The following KALRN variants were observed in gnomAD, a reference collection of about 807,000 sequenced individuals.
KALRN encodes the protein kalirin RhoGEF kinase, also known as kalirin.
A neutral mutation model predicts 353.7 loss-of-function variants in KALRN; 70 were observed. The ratio of observed to expected loss-of-function variants is 0.20; its 90% CI spans 0.16 to 0.24. The LOEUF (loss-of-function observed/expected upper bound fraction) is 0.24, where lower values mean the gene tolerates loss of function less well. Ranked by LOEUF, KALRN falls within the 10% of genes least tolerant of loss-of-function variation. The pLI, the probability that KALRN is intolerant of heterozygous loss-of-function variation, is 1.00. For missense variants in KALRN, 2,791 were observed against 3,756.7 expected, an observed-to-expected ratio of 0.74 and a Z score of 6.72; for synonymous variants, 1,391 against 1,434.8, an observed-to-expected ratio of 0.97 and a Z score of 0.69.
chr3:124,679,476 G>A lies in KALRN; in HGVS notation c.7336G>A (p.Glu2446Lys). 6.2e-7 allele frequency: 1 copy of A among 1,614,060 alleles called. No individual in the cohort carries two copies. The highest frequency in any genetic ancestry group is 8.5e-7 in the Non-Finnish European group (1 of 1,179,948). The change falls in exon 51 of 60, where the codon GAA becomes AAA. Residue 2446 changes from glutamate (E) to lysine (K), a missense_variant. Glu to Lys is a moderately conservative substitution (Grantham distance 56, BLOSUM62 1). This residue lies in a region of KALRN where 1,065 missense variants were observed against 1,156.4 expected (regional missense o/e 0.92). Transcript: ENST00000682506. ...VSVKETNSSE[E>K]SECDDLDPNT... ...AATCAAGGAGACGAACAGTTCCGAG[G>A]AATCAGAGTGTGATGATCTTGACCC... is the stretch of plus-strand genomic sequence containing the variant.
intron 10 of KALRN, among the ~76,000 whole-genome samples, chr3:124,357,797 G>T (rs1219663310): frequency 2.0e-5 from 3 of 152,108 alleles, no homozygotes; most frequent in African/African-American, 7.2e-5. Context: ...ACCTTCCTCA[G>T]GGCAGTAATT....
At chr3:124,684,721 C>G (rs535010273) in intron 51 of KALRN, among the ~76,000 whole-genome samples, 1 of 152,186 alleles carries the variant, frequency 6.6e-6, no homozygotes. Context: ...CCGAAGAGGA[C>G]GTGGAAGATT....
intron 11 of KALRN, among the ~76,000 whole-genome samples, chr3:124,392,495 A>G (rs546600367): frequency 8.3e-4 from 126 of 152,010 alleles, no homozygotes; most frequent in Admixed American, 1.4e-3. Flanking sequence ...TAACTTACCC[A>G]AGATTATATA....
At chr3:124,302,201 G>C (rs911199839) in intron 6 of KALRN, among the ~76,000 whole-genome samples, 3 of 152,186 alleles carry the variant, frequency 2.0e-5, no homozygotes, top group African/African-American at 7.2e-5. Context: ...TGAGCATATA[G>C]TGGTGAACAA....
In KALRN at chr3:124,717,363, G is replaced by C; in HGVS notation, c.8393G>C (p.Arg2798Thr). The C allele has an allele frequency of 6.2e-7, 1 of 1,606,814 alleles. No homozygotes were observed. The highest frequency in any genetic ancestry group is 8.5e-7 in the Non-Finnish European group (1 of 1,177,246). The change falls in exon 59 of 60, where the codon AGG becomes ACG. Residue 2798 changes from arginine (R) to threonine (T), a missense_variant. By Grantham distance (71) the Arg-to-Thr change is moderately conservative (BLOSUM62 -1). Around this residue, in one of 11 missense-constraint regions of KALRN, gnomAD observed 188 missense variants for 402.9 expected, o/e 0.47. Transcript: ENST00000682506. The stretch of plus-strand genomic sequence containing the variant: ...GCTCTGCAGTACCTTCACAACTGCA[G>C]GGTTGCACATTTGGACATAAAGGTA... ...MEALQYLHNCRVAHLDIKPEN... is the reference protein window; with the variant it reads ...MEALQYLHNCTVAHLDIKPEN...
intron 1 of KALRN, among the ~76,000 whole-genome samples, chr3:124,056,037 G>A (rs1014908557): frequency 6.6e-6 from 1 of 152,204 alleles, no homozygotes; most frequent in African/African-American, 2.4e-5. Context: ...AGAGCCTTGT[G>A]AATTCCTGGA....
At chr3:124,303,589 G>A (rs539130821) in intron 6 of KALRN, among the ~76,000 whole-genome samples, 4 of 152,292 alleles carry the variant, frequency 2.6e-5, no homozygotes, top group East Asian at 3.9e-4. Context: ...ACATGCAAAC[G>A]TAACACAATC....
chr3:124,369,775 C>G (rs1322023316), intron 10 of KALRN, among the ~76,000 whole-genome samples: 2 of 151,688 alleles, frequency 1.3e-5, no homozygotes, highest in Non-Finnish European at 2.9e-5. Flanking sequence ...CCTCACCACC[C>G]CCAATTATCC....
intron 1 of KALRN, among the ~76,000 whole-genome samples, chr3:124,226,906 C>T (rs981513828): frequency 2.0e-5 from 3 of 152,162 alleles, no homozygotes; most frequent in Non-Finnish European, 2.9e-5. Flanking sequence ...TGACATACAA[C>T]CGCTCGCCTT....
intron 33 of KALRN, among the ~76,000 whole-genome samples, chr3:124,539,172 A>G (rs901166455): frequency 3.9e-5 from 6 of 152,228 alleles, no homozygotes; most frequent in Non-Finnish European, 8.8e-5. Context: ...TGGGGATTTC[A>G]GGAAATGCTC....
At chr3:124,221,052 G>C in intron 1 of KALRN, among the ~76,000 whole-genome samples, 1 of 152,224 alleles carries the variant, frequency 6.6e-6, no homozygotes, top group East Asian at 1.9e-4. Flanking sequence ...ACTTGCAGTG[G>C]CATCTTTGCC....
chr3:124,394,833 T>C (rs2089958294), intron 11 of KALRN, among the ~76,000 whole-genome samples: 2 of 152,196 alleles, frequency 1.3e-5, no homozygotes, highest in African/African-American at 4.8e-5. Context: ...TTCCTAGTGG[T>C]GTCTCAAAGA....
chr3:124,505,807 A>T (rs2065149963), intron 33 of KALRN, among the ~76,000 whole-genome samples: 1 of 152,234 alleles, frequency 6.6e-6, no homozygotes, highest in African/African-American at 2.4e-5. Flanking sequence ...TAACAATGTC[A>T]TCTGTGGCCA....
intron 14 of KALRN, among the ~76,000 whole-genome samples, chr3:124,414,672 C>A (rs3755665): frequency 0.42 from 63,388 of 151,862 alleles, 13,388 homozygotes; most frequent in Middle Eastern, 0.48. Flanking sequence ...TCTTGAGGAC[C>A]GCTGGTTGAG....
intron 1 of KALRN, among the ~76,000 whole-genome samples, chr3:124,183,815 TAA>T (rs2073906101): frequency 1.3e-5 from 2 of 152,244 alleles, no homozygotes; most frequent in Non-Finnish European, 2.9e-5. Flanking sequence ...ATTTTTGTTT[TAA>T]AGTGTTCATT....
At chr3:124,242,583 C>T (rs78802874) in intron 3 of KALRN, among the ~76,000 whole-genome samples, 177 of 152,206 alleles carry the variant, frequency 1.2e-3, no homozygotes, top group African/African-American at 3.9e-3. Context: ...TGGAAGAGGG[C>T]GGTAGGGAAG....
At chr3:124,286,113 TTC>T (rs1491272394) in intron 5 of KALRN, among the ~76,000 whole-genome samples, 1 of 148,612 alleles carries the variant, frequency 6.7e-6, no homozygotes, top group Non-Finnish European at 1.5e-5. Context: ...CTTTCTTTCT[TTC>T]TTTCTTTCTT....
intron 14 of KALRN, among the ~76,000 whole-genome samples, chr3:124,418,969 A>G (rs4677926): frequency 0.5 from 75,096 of 151,260 alleles, 19,137 homozygotes; most frequent in African/African-American, 0.59. Flanking sequence ...ATACTTGGGA[A>G]GTTGAGGCAG....
chr3:124,457,746 C>G (rs1371715563), intron 23 of KALRN, among the ~76,000 whole-genome samples: 1 of 152,210 alleles, frequency 6.6e-6, no homozygotes, highest in Non-Finnish European at 1.5e-5. Flanking sequence ...AGAATTTAAT[C>G]TAGCTTTGAC....
Sources: allele counts gnomAD v4.1 joint callset (sites outside exome capture counted in the v4.1 genomes callset), GRCh38; gene constraint gnomAD v4.1.1; regional missense constraint gnomAD v4.1.1; transcripts MANE v1.5; gene names NCBI Gene and HGNC (gene_info 2026-07-23, HGNC 2026-07-21).